P2RY14: variants seen among roughly 807,000 people sequenced by gnomAD.
P2RY14 encodes P2Y purinoceptor 14.
A neutral mutation model predicts 0.9 loss-of-function variants in P2RY14; 2 were observed. The observed-to-expected ratio is 2.16, with a 90% confidence interval of 0.88 to 6.79. P2RY14 has a LOEUF of 6.79. P2RY14 is among the 30% of genes most tolerant of loss of function. The pLI is 0.05. For missense variants in P2RY14, 378 were observed against 400.1 expected, an observed-to-expected ratio of 0.94 and a Z score of 0.47; for synonymous variants, 158 against 147.2, an observed-to-expected ratio of 1.07 and a Z score of -0.53.
intron 1 of P2RY14, among the ~76,000 whole-genome samples, chr3:151,259,290 A>G (rs1028287060): frequency 6.6e-6 from 1 of 152,168 alleles, no homozygotes; most frequent in African/African-American, 2.4e-5. Flanking sequence ...CTTTTGAACT[A>G]TGCTATATTT....
intron 1 of P2RY14, among the ~76,000 whole-genome samples, chr3:151,224,875 A>T (rs1377662008): frequency 6.6e-6 from 1 of 152,084 alleles, no homozygotes; most frequent in Non-Finnish European, 1.5e-5. Flanking sequence ...CCTCCTGTGT[A>T]CCCCTGATAT....
At chr3:151,238,137 T>TTCTTTC (rs1553753436) in intron 1 of P2RY14, among the ~76,000 whole-genome samples, 1 of 149,500 alleles carries the variant, frequency 6.7e-6, no homozygotes, top group Non-Finnish European at 1.5e-5. Context: ...ACATTTTTTC[T>TTCTTTC]TTTTTCTTTT....
intron 2 of P2RY14, 60 bp from the exon 3 acceptor site, chr3:151,214,400 G>C (rs1727786708): frequency 2.6e-6 from 3 of 1,148,342 alleles, no homozygotes; most frequent in Non-Finnish European, 3.7e-6. Context: ...GACATTTGCT[G>C]AGTAATAAGG....
intron 1 of P2RY14, among the ~76,000 whole-genome samples, chr3:151,271,192 T>TA (rs538641565): frequency 2.0e-5 from 3 of 151,920 alleles, no homozygotes; most frequent in African/African-American, 7.3e-5. Flanking sequence ...CTCAGTTTCT[T>TA]AAAAAAAATG....
At chr3:151,250,163 T>C (rs1205660407) in intron 1 of P2RY14, among the ~76,000 whole-genome samples, 1 of 152,196 alleles carries the variant, frequency 6.6e-6, no homozygotes, top group Non-Finnish European at 1.5e-5. Context: ...CCACTCTGCC[T>C]TCTGTCCTCA....
intron 1 of P2RY14, among the ~76,000 whole-genome samples, chr3:151,245,806 A>G (rs1332732433): frequency 1.8e-4 from 27 of 146,984 alleles, no homozygotes; most frequent in African/African-American, 6.2e-4. Context: ...AGGGTATTCA[A>G]TTAGGAAAAG....
chr3:151,228,945 T>C (rs1484679523), intron 1 of P2RY14, among the ~76,000 whole-genome samples: 1 of 152,188 alleles, frequency 6.6e-6, no homozygotes, highest in Admixed American at 6.5e-5. Context: ...TATTTGCATT[T>C]CTCAGGCAAG....
At chr3:151,273,017 TC>T (rs1741238340) in intron 1 of P2RY14, among the ~76,000 whole-genome samples, 1 of 152,136 alleles carries the variant, frequency 6.6e-6, no homozygotes, top group Non-Finnish European at 1.5e-5. Context: ...TTGGAGCATT[TC>T]AGATTAGGGA....
chr3:151,275,247 C>A (rs921673825), intron 1 of P2RY14, among the ~76,000 whole-genome samples: 2 of 152,062 alleles, frequency 1.3e-5, no homozygotes, highest in Non-Finnish European at 2.9e-5. Flanking sequence ...GTGTACAGAT[C>A]GCTTTGGGCC....
intron 1 of P2RY14, among the ~76,000 whole-genome samples, chr3:151,266,639 TGAA>T (rs1185325105): frequency 6.6e-6 from 1 of 151,966 alleles, no homozygotes; most frequent in East Asian, 1.9e-4. Context: ...TTTAAGTAAA[TGAA>T]GGAGTGGATG....
At chr3:151,262,446 G>C (rs138756208) in intron 1 of P2RY14, among the ~76,000 whole-genome samples, 3 of 152,172 alleles carry the variant, frequency 2.0e-5, no homozygotes, top group Non-Finnish European at 1.5e-5. Flanking sequence ...CTATGGGGTG[G>C]CCCTGACACC....
chr3:151,260,478 T>G (rs1174623567), intron 1 of P2RY14, among the ~76,000 whole-genome samples: 5 of 152,146 alleles, frequency 3.3e-5, no homozygotes, highest in African/African-American at 9.7e-5. Context: ...GCCTCCCAAG[T>G]AGCTGGGACT....
intron 1 of P2RY14, among the ~76,000 whole-genome samples, chr3:151,253,998 T>TG (rs1293402035): frequency 9.1e-6 from 1 of 109,914 alleles, no homozygotes; most frequent in Non-Finnish European, 2.0e-5. Context: ...GATTTTTTCT[T>TG]GTTTTTTTTT....
At chr3:151,254,011 TGTTAA>T (rs1737336311) in intron 1 of P2RY14, among the ~76,000 whole-genome samples, 1 of 151,264 alleles carries the variant, frequency 6.6e-6, no homozygotes, top group Admixed American at 6.6e-5. Flanking sequence ...TTTTTTTTTT[TGTTAA>T]TTTAAACTTT....
intron 1 of P2RY14, among the ~76,000 whole-genome samples, chr3:151,263,074 TGTA>T (rs1455780142): frequency 6.6e-6 from 1 of 152,106 alleles, no homozygotes; most frequent in Non-Finnish European, 1.5e-5. Flanking sequence ...AAGAGACCCA[TGTA>T]GGAGTACATG....
intron 1 of P2RY14, chr3:151,269,710 C>A: frequency 2.4e-6 from 1 of 417,534 alleles, no homozygotes; most frequent in Admixed American, 2.9e-5. Context: ...TGATGAAAAT[C>A]TTTAGTTTGA....
intron 1 of P2RY14, among the ~76,000 whole-genome samples, chr3:151,219,891 ACCCC>A (rs141293857): frequency 2.9e-4 from 27 of 92,112 alleles, no homozygotes; most frequent in African/African-American, 7.7e-4. Context: ...GGTTTATATT[ACCCC>A]CCCCCCCCCC....
intron 1 of P2RY14, among the ~76,000 whole-genome samples, chr3:151,248,248 A>G (rs987209479): frequency 6.6e-6 from 1 of 152,130 alleles, no homozygotes; most frequent in South Asian, 2.1e-4. Flanking sequence ...AACAGCAACT[A>G]TGAGACCTAT....
intron 1 of P2RY14, among the ~76,000 whole-genome samples, chr3:151,224,009 A>G (rs1010469085): frequency 1.3e-5 from 2 of 152,184 alleles, no homozygotes; most frequent in African/African-American, 4.8e-5. Context: ...TAAATTCTGA[A>G]TCAAATATGC....
Sources: gnomAD v4.1 joint callset for allele counts (sites outside exome capture counted in the v4.1 genomes callset) on GRCh38, gnomAD v4.1.1 for gene constraint, MANE v1.5 for transcripts, NCBI Gene and HGNC (gene_info 2026-07-23, HGNC 2026-07-21) for gene names.